The following MAPK10 variants were observed in gnomAD, a reference collection of about 807,000 sequenced individuals.
The protein encoded by MAPK10 is mitogen-activated protein kinase 10, also known as JNK3 alpha protein kinase.
Under a neutral mutation model 59.3 loss-of-function variants are expected in MAPK10, and 25 were observed. That is an observed-to-expected ratio of 0.42 (90% CI 0.31 to 0.59). The LOEUF is 0.59. Among genes scored for constraint, MAPK10 ranks in the 20% least tolerant of loss-of-function variants. MAPK10 has a pLI of 0.15. For missense variants in MAPK10, 351 were observed against 568.9 expected (o/e 0.62, Z 3.90); for synonymous variants, 190 against 200.5 (o/e 0.95, Z 0.44).
At chr4:86,526,593 T>C (rs1262778201) in intron 1 of MAPK10, among the ~76,000 whole-genome samples, 2 of 152,194 alleles carry the variant, frequency 1.3e-5, no homozygotes, top group Non-Finnish European at 1.5e-5. Context: ...GCTCCAATTT[T>C]AGTTATTTCC....
intron 2 of MAPK10, among the ~76,000 whole-genome samples, chr4:86,204,463 C>T (rs1180072820): frequency 6.6e-6 from 1 of 151,820 alleles, no homozygotes; most frequent in Non-Finnish European, 1.5e-5. Context: ...AGAGTTATCA[C>T]CAATGAGAGA....
chr4:86,240,718 G>A (rs1261850024), intron 2 of MAPK10, among the ~76,000 whole-genome samples: 1 of 151,674 alleles, frequency 6.6e-6, no homozygotes, highest in South Asian at 2.1e-4. Context: ...CCTTCATTTG[G>A]AGCCTGTGTG....
At chr4:86,304,554 G>A (rs1368967591) in intron 2 of MAPK10, among the ~76,000 whole-genome samples, 4 of 150,968 alleles carry the variant, frequency 2.6e-5, no homozygotes, top group South Asian at 2.1e-4. Context: ...CACCGCGCCC[G>A]GCTAATTTTT....
chr4:86,185,125 C>T (rs2077876388), intron 3 of MAPK10, among the ~76,000 whole-genome samples: 1 of 152,132 alleles, frequency 6.6e-6, no homozygotes, highest in African/African-American at 2.4e-5. Flanking sequence ...GAAAGTTGTG[C>T]ATATTCAGCT....
At chr4:86,384,346 AC>A (rs1741178248) in intron 1 of MAPK10, 1 of 152,200 alleles carries the variant, frequency 6.6e-6, no homozygotes, top group Admixed American at 6.5e-5. Flanking sequence ...AAGTACAAGA[AC>A]GCTGAGATGG....
At chr4:86,224,880 C>T (rs2090337030) in intron 2 of MAPK10, among the ~76,000 whole-genome samples, 1 of 152,112 alleles carries the variant, frequency 6.6e-6, no homozygotes, top group Admixed American at 6.5e-5. Context: ...ACAGAAATAA[C>T]ATCTTAAATA....
chr4:86,464,178 C>G (rs1751991629), intron 1 of MAPK10, among the ~76,000 whole-genome samples: 1 of 152,150 alleles, frequency 6.6e-6, no homozygotes, highest in South Asian at 2.1e-4. Flanking sequence ...TTCTCGATAA[C>G]CATTTTCTTA....
chr4:86,092,823 C>A (rs1319687050), intron 9 of MAPK10, among the ~76,000 whole-genome samples: 1 of 152,000 alleles, frequency 6.6e-6, no homozygotes, highest in Non-Finnish European at 1.5e-5. Context: ...CTAATGCTGC[C>A]AAGGTAGAAT....
intron 8 of MAPK10, chr4:86,100,036 G>A (rs915715039): frequency 5.3e-5 from 8 of 152,082 alleles, no homozygotes; most frequent in African/African-American, 1.7e-4. Context: ...AGAAGTTTCT[G>A]TAAACTTCAG....
At chr4:86,527,742 A>G (rs1757578921) in intron 1 of MAPK10, among the ~76,000 whole-genome samples, 1 of 152,202 alleles carries the variant, frequency 6.6e-6, no homozygotes, top group South Asian at 2.1e-4. Context: ...TCACAATAAC[A>G]AAGACATGGA....
chr4:86,356,078 C>T (rs1303002185), intron 1 of MAPK10, among the ~76,000 whole-genome samples: 6 of 151,704 alleles, frequency 4.0e-5, no homozygotes, highest in Non-Finnish European at 8.8e-5. Context: ...CACACGTGTA[C>T]AAACACAAGG....
At chr4:86,069,843 CTAAT>C (rs1173820872) in intron 9 of MAPK10, among the ~76,000 whole-genome samples, 1 of 151,860 alleles carries the variant, frequency 6.6e-6, no homozygotes, top group Non-Finnish European at 1.5e-5. Flanking sequence ...GTATTATATC[CTAAT>C]TACATTTGCT....
chr4:86,332,089 G>A (rs1182951281), intron 2 of MAPK10, among the ~76,000 whole-genome samples: 1 of 152,008 alleles, frequency 6.6e-6, no homozygotes, highest in Non-Finnish European at 1.5e-5. Context: ...TAATAGCAAA[G>A]CTCCATTTAT....
intron 2 of MAPK10, among the ~76,000 whole-genome samples, chr4:86,256,288 T>C (rs966735044): frequency 1.3e-5 from 2 of 152,190 alleles, no homozygotes; most frequent in African/African-American, 4.8e-5. Flanking sequence ...CTCCAGAGAA[T>C]AGTGGAAATA....
intron 1 of MAPK10, among the ~76,000 whole-genome samples, chr4:86,411,052 C>A (rs912578001): frequency 2.6e-5 from 4 of 152,174 alleles, no homozygotes; most frequent in Non-Finnish European, 4.4e-5. Context: ...CTATAAATTT[C>A]TCTCTACACA....
chr4:86,420,031 C>A (rs1330290671), intron 1 of MAPK10, among the ~76,000 whole-genome samples: 1 of 152,152 alleles, frequency 6.6e-6, no homozygotes, highest in African/African-American at 2.4e-5. Flanking sequence ...AAGTGCTACA[C>A]CATCCACTGA....
intron 2 of MAPK10, among the ~76,000 whole-genome samples, chr4:86,246,877 A>G (rs1197185471): frequency 6.6e-6 from 1 of 152,206 alleles, no homozygotes; most frequent in African/African-American, 2.4e-5. Context: ...CTTGATTAGT[A>G]GCCAATCATA....
chr4:86,200,971 C>G (rs1023791020), intron 2 of MAPK10, among the ~76,000 whole-genome samples: 1 of 151,736 alleles, frequency 6.6e-6, no homozygotes, highest in African/African-American at 2.4e-5. Flanking sequence ...ATTTCAGTAC[C>G]CATTAACTAT....
intron 1 of MAPK10, among the ~76,000 whole-genome samples, chr4:86,387,208 TG>T (rs1210585392): frequency 2.6e-5 from 4 of 152,108 alleles, no homozygotes; most frequent in African/African-American, 9.7e-5. Flanking sequence ...GCTGGTTGTT[TG>T]GGGAAGTGGG....
Sources: allele counts gnomAD v4.1 joint callset (sites outside exome capture counted in the v4.1 genomes callset), GRCh38; gene constraint gnomAD v4.1.1; transcripts MANE v1.5; gene names NCBI Gene and HGNC (gene_info 2026-07-23, HGNC 2026-07-21).